ZBED6: variants seen among roughly 807,000 people sequenced by gnomAD.
The protein encoded by ZBED6 is zinc finger BED-type containing 6.
A neutral mutation model predicts 58.4 loss-of-function variants in ZBED6; 40 were observed. The observed-to-expected ratio is 0.68, with a 90% CI of 0.53 to 0.89. ZBED6 has a LOEUF of 0.89. Ranked by LOEUF, ZBED6 falls within the 40% of genes least tolerant of loss-of-function variation. ZBED6 has a pLI of 0.00. For synonymous variants in ZBED6, 439 were observed against 350.6 expected, an observed-to-expected ratio of 1.25 and a Z score of -2.82; for missense variants, 1,057 against 1,003.9, an observed-to-expected ratio of 1.05 and a Z score of -0.71.
exon 1 of ZBED6, chr1:203,800,553 AAC>A (rs917544634): frequency 1.6e-6 from 2 of 1,224,110 alleles, no homozygotes; most frequent in African/African-American, 1.5e-5. Flanking sequence ...TATCTTTATA[AAC>A]ACATCTGGGG....
intron 9 of ZBED6, among the ~76,000 whole-genome samples, chr1:203,836,225 A>T (rs1684276496): frequency 6.6e-6 from 1 of 152,224 alleles, no homozygotes; most frequent in African/African-American, 2.4e-5. Flanking sequence ...TCTAAAAATA[A>T]TAATTAAAAG....
intron 1 of ZBED6, among the ~76,000 whole-genome samples, chr1:203,813,744 T>G (rs1675288349): frequency 6.6e-6 from 1 of 152,100 alleles, no homozygotes; most frequent in Admixed American, 6.6e-5. Context: ...TTCTGGTGTT[T>G]GTTGGCAATC....
chr1:203,840,655 CAG>C (rs1444876695), intron 11 of ZBED6, among the ~76,000 whole-genome samples: 1 of 138,620 alleles, frequency 7.2e-6, no homozygotes, highest in African/African-American at 2.7e-5. Context: ...ATTTTTGAGA[CAG>C]AGTTTTGCTC....
At chr1:203,834,581 T>A (rs2103095015) in intron 9 of ZBED6, among the ~76,000 whole-genome samples, 1 of 152,324 alleles carries the variant, frequency 6.6e-6, no homozygotes, top group South Asian at 2.1e-4. Context: ...TGCTATTTTA[T>A]TTTTGGGGGA....
chr1:203,816,646 ATAAAAT>A (rs1676478461), intron 1 of ZBED6, among the ~76,000 whole-genome samples: 1 of 152,158 alleles, frequency 6.6e-6, no homozygotes, highest in South Asian at 2.1e-4. Context: ...AGAGTTAAAA[ATAAAAT>A]GTAGATCTTT....
chr1:203,814,639 C>T (rs1358618993), intron 1 of ZBED6, among the ~76,000 whole-genome samples: 1 of 152,108 alleles, frequency 6.6e-6, no homozygotes, highest in African/African-American at 2.4e-5. Context: ...GCTTTAGCAG[C>T]AGTTTCTTCT....
chr1:203,808,760 A>G (rs1007515261), intron 1 of ZBED6, among the ~76,000 whole-genome samples: 14 of 152,090 alleles, frequency 9.2e-5, no homozygotes, highest in Non-Finnish European at 1.8e-4. Flanking sequence ...AGGGGCTGGA[A>G]ATTAGAGTCT....
At chr1:203,848,246 C>G in intron 12 of ZBED6, 85 bp from the exon 13 acceptor site, 3 of 1,127,854 alleles carry the variant, frequency 2.7e-6, no homozygotes, top group Non-Finnish European at 3.9e-6. Context: ...TTACTACTTT[C>G]ATTAAATAAA....
intron 13 of ZBED6, among the ~76,000 whole-genome samples, chr1:203,849,007 C>T (rs1465113644): frequency 6.6e-6 from 1 of 152,180 alleles, no homozygotes; most frequent in Non-Finnish European, 1.5e-5. Context: ...GCCTCAGCCT[C>T]CCATGTAGCT....
At chr1:203,822,241 T>G (rs1449019933) in intron 3 of ZBED6, among the ~76,000 whole-genome samples, 1 of 152,126 alleles carries the variant, frequency 6.6e-6, no homozygotes, top group Non-Finnish European at 1.5e-5. Flanking sequence ...AGTCTACTAG[T>G]ATAAAAACCA....
exon 17 of ZBED6, chr1:203,852,248 C>T (rs1689491294): frequency 3.1e-6 from 5 of 1,613,658 alleles, no homozygotes; most frequent in Non-Finnish European, 4.2e-6. Flanking sequence ...AGCTCTGCCT[C>T]AACAGGAAAG....
In ZBED6 at chr1:203,825,153, C is replaced by T. The variant is rs1015281637; in HGVS notation, c.*2874-3146C>T. Among the ~76,000 whole-genome samples, 15 of 151,298 alleles carry T rather than the reference C, an allele frequency of 9.9e-5. 1 individual carries two copies. Among genetic ancestry groups the T allele is most frequent in the Middle Eastern group, 3.5e-3 (1 of 284 alleles). On this transcript the variant is annotated intron_variant, in intron 3 of 16. Coordinates refer to ENST00000550078, the Ensembl canonical transcript of ZBED6. The stretch of plus-strand genomic sequence containing the variant: ...GTGAGTTACAGTGCTATTTGTCTTG[C>T]GTTTCATATTAATGAATGAACAATA...
At chr1:203,817,530 CTTCTTT>C (rs1676761289) in intron 2 of ZBED6, among the ~76,000 whole-genome samples, 1 of 151,782 alleles carries the variant, frequency 6.6e-6, no homozygotes. Flanking sequence ...TTGAATTTGA[CTTCTTT>C]CTTCTCCCAG....
intron 3 of ZBED6, among the ~76,000 whole-genome samples, chr1:203,821,417 T>C (rs1258166508): frequency 6.6e-6 from 1 of 152,178 alleles, no homozygotes; most frequent in Non-Finnish European, 1.5e-5. Context: ...TCGTACTCTG[T>C]TACTATCATT....
chr1:203,799,015 T>C, exon 1 of ZBED6: 1 of 1,536,180 alleles, frequency 6.5e-7, no homozygotes, highest in Non-Finnish European at 8.7e-7. Flanking sequence ...TATTTTATTG[T>C]GACTGTACAC....
intron 16 of ZBED6, among the ~76,000 whole-genome samples, 188 bp from the exon 17 acceptor site, chr1:203,851,953 A>AGCCT (rs1689393620): frequency 6.9e-6 from 1 of 144,006 alleles, no homozygotes; most frequent in Non-Finnish European, 1.5e-5. Context: ...TGGGTGACAA[A>AGCCT]GGGAGACTCT....
At chr1:203,802,151 A>G (rs1670710870) in exon 1 of ZBED6, 2 of 152,592 alleles carry the variant, frequency 1.3e-5, no homozygotes, top group African/African-American at 4.8e-5. Context: ...TAGTTACTCT[A>G]TTACCATACG....
At chr1:203,821,774 T>C (rs74987241) in intron 3 of ZBED6, among the ~76,000 whole-genome samples, 44 of 152,152 alleles carry the variant, frequency 2.9e-4, no homozygotes, top group Non-Finnish European at 4.9e-4. Flanking sequence ...TTTTTTTTTT[T>C]TGAGACGGAG....
chr1:203,843,898 C>T (rs1273729428), intron 11 of ZBED6, among the ~76,000 whole-genome samples: 1 of 151,856 alleles, frequency 6.6e-6, no homozygotes, highest in Non-Finnish European at 1.5e-5. Flanking sequence ...GCTCTTGTTG[C>T]CCAGTCTGGA....
Sources: gnomAD v4.1 joint callset for allele counts (sites outside exome capture counted in the v4.1 genomes callset) on GRCh38, gnomAD v4.1.1 for gene constraint, MANE v1.5 for transcripts, NCBI Gene and HGNC (gene_info 2026-07-23, HGNC 2026-07-21) for gene names.